Variants in PAIP2 observed in about 807,000 individuals in gnomAD.
The protein encoded by PAIP2 is polyadenylate-binding protein-interacting protein 2.
Under a neutral mutation model 14.8 loss-of-function variants are expected in PAIP2, and 7 were observed. The ratio of observed to expected loss-of-function variants is 0.47; its 90% confidence interval spans 0.27 to 0.89. The LOEUF (loss-of-function observed/expected upper bound fraction) is 0.89. PAIP2 is among the 40% of genes least tolerant of loss of function. PAIP2 has a pLI of 0.13. For missense variants in PAIP2, 122 were observed against 154.7 expected (o/e 0.79, Z 1.12); for synonymous variants, 47 against 45.3 (o/e 1.04, Z -0.15).
At chr5:139,365,036 C>A (rs957676223) in intron 3 of PAIP2, 1 of 172,598 alleles carries the variant, frequency 5.8e-6, no homozygotes, top group Non-Finnish European at 1.2e-5. Flanking sequence ...CCCAGCTACT[C>A]GGGAGGCTGA....
intron 1 of PAIP2, among the ~76,000 whole-genome samples, chr5:139,347,752 T>A (rs1299172392): frequency 6.6e-6 from 1 of 152,010 alleles, no homozygotes; most frequent in East Asian, 1.9e-4. Context: ...TAATAATTTT[T>A]AAAAAACTGT....
chr5:139,349,126 G>A (rs1022231524), intron 1 of PAIP2, among the ~76,000 whole-genome samples: 1 of 152,250 alleles, frequency 6.6e-6, no homozygotes, highest in Admixed American at 6.5e-5. Context: ...GGGGAGGGAA[G>A]AAGTGTGTAA....
At position 139,354,222 on chromosome 5, in the gene PAIP2, ACT is replaced by A. The variant is rs1756839039; in HGVS notation, c.-26-9534_-26-9533del. ...TATAGGACAGGTCTACTAGTGACAA[ACT>A]CTGTCCATTTTTTCTTATCTGGCAG... is the stretch of plus-strand genomic sequence containing the variant. On this transcript the variant is annotated intron_variant, in intron 1 of 3. Coordinates refer to ENST00000265192, the MANE Select transcript of PAIP2 (RefSeq NM_016480.5). Among the ~76,000 whole-genome samples the A allele has an allele frequency of 4.6e-5, 7 of 151,980 alleles. No individual in the cohort carries two copies. The South Asian group carries it at 1.0e-3, about 23-fold the overall frequency.
chr5:139,345,879 G>T (rs1441987530), intron 1 of PAIP2, among the ~76,000 whole-genome samples: 1 of 151,936 alleles, frequency 6.6e-6, no homozygotes, highest in South Asian at 2.1e-4. Context: ...CGCCCACCTC[G>T]GCCTCCCAAA....
At chr5:139,349,481 T>G (rs1756660747) in intron 1 of PAIP2, among the ~76,000 whole-genome samples, 1 of 151,554 alleles carries the variant, frequency 6.6e-6, no homozygotes. Flanking sequence ...TCTCCTGACC[T>G]TGTGATCCAC....
At chr5:139,357,818 G>A (rs764513647) in intron 1 of PAIP2, among the ~76,000 whole-genome samples, 1 of 152,118 alleles carries the variant, frequency 6.6e-6, no homozygotes, top group Non-Finnish European at 1.5e-5. Context: ...GCAACAGAGC[G>A]AGATTCCATC....
In PAIP2 at chr5:139,364,408, C is replaced by T. The variant is rs993413213; in HGVS notation, c.139-156C>T. Among the ~76,000 whole-genome samples, 6 of 152,278 alleles carry T rather than the reference C, an allele frequency of 3.9e-5. No homozygotes were observed. In the East Asian group the frequency reaches 5.8e-4, roughly 15 times the overall value. On this transcript the variant is annotated intron_variant, in intron 2 of 3. Coordinates refer to ENST00000265192, the MANE Select transcript of PAIP2 (RefSeq NM_016480.5). The stretch of plus-strand genomic sequence containing the variant: ...GAAAAACCCTAAACAGATAGATCTT[C>T]GCCGGTCATTATGGTAAGCATTTTT...
At chr5:139,344,525 T>A (rs938800375) in intron 1 of PAIP2, among the ~76,000 whole-genome samples, 1 of 152,228 alleles carries the variant, frequency 6.6e-6, no homozygotes, top group African/African-American at 2.4e-5. Context: ...TGTGTGTGGT[T>A]ATGAGCACTT....
At chr5:139,364,948 C>T (rs1757171914) in intron 3 of PAIP2, 1 of 371,130 alleles carries the variant, frequency 2.7e-6, no homozygotes, top group Admixed American at 4.5e-5. Flanking sequence ...AGTTTGAGAC[C>T]AGCCTGACCA....
intron 1 of PAIP2, among the ~76,000 whole-genome samples, chr5:139,348,163 A>C (rs924099117): frequency 1.3e-5 from 2 of 151,600 alleles, no homozygotes; most frequent in African/African-American, 4.8e-5. Flanking sequence ...AAAAAAAAAA[A>C]ACTACGAGTG....
At chr5:139,352,439 G>A (rs1756762303) in intron 1 of PAIP2, among the ~76,000 whole-genome samples, 1 of 149,760 alleles carries the variant, frequency 6.7e-6, no homozygotes, top group Admixed American at 6.7e-5. Context: ...AATACAGGCT[G>A]TAAAAAACCT....
At chr5:139,350,236 T>C (rs1427537986) in intron 1 of PAIP2, among the ~76,000 whole-genome samples, 1 of 151,830 alleles carries the variant, frequency 6.6e-6, no homozygotes, top group Non-Finnish European at 1.5e-5. Flanking sequence ...GGGTCACATA[T>C]TCTATCTACT....
intron 1 of PAIP2, among the ~76,000 whole-genome samples, chr5:139,361,574 A>G (rs1003937567): frequency 2.0e-4 from 30 of 152,150 alleles, no homozygotes; most frequent in African/African-American, 7.0e-4. Flanking sequence ...CAATGTATCA[A>G]TTAGGTTAGA....
intron 1 of PAIP2, among the ~76,000 whole-genome samples, chr5:139,344,332 C>G (rs755309330): frequency 3.3e-5 from 5 of 152,208 alleles, no homozygotes; most frequent in African/African-American, 1.2e-4. Flanking sequence ...TTTGAACCTA[C>G]GTCTTCTGAC....
chr5:139,359,983 T>C (rs1757022859), intron 1 of PAIP2, among the ~76,000 whole-genome samples: 1 of 152,220 alleles, frequency 6.6e-6, no homozygotes, highest in East Asian at 1.9e-4. Context: ...TTTCTTTTTT[T>C]TGAGATGTAG....
chr5:139,356,751 C>T (rs954129844), intron 1 of PAIP2, among the ~76,000 whole-genome samples: 2 of 149,166 alleles, frequency 1.3e-5, no homozygotes, highest in Non-Finnish European at 3.0e-5. Context: ...GCCAGGTGTG[C>T]TGGCATGCGC....
chr5:139,358,350 T>A (rs1561961742), intron 1 of PAIP2, among the ~76,000 whole-genome samples: 1 of 152,206 alleles, frequency 6.6e-6, no homozygotes, highest in Non-Finnish European at 1.5e-5. Flanking sequence ...GTGTTTACTT[T>A]TTAAGAAAAA....
At chr5:139,356,853 C>G (rs1283859962) in intron 1 of PAIP2, among the ~76,000 whole-genome samples, 5 of 145,634 alleles carry the variant, frequency 3.4e-5, no homozygotes, top group Non-Finnish European at 7.4e-5. Context: ...AGCCACTGCA[C>G]TTCAGCCTGA....
Position 139,364,596 on chromosome 5 carries a change from T to C in PAIP2, c.171T>C (p.Ile57=). The change falls in exon 3 of 4, where the codon ATT becomes ATC. Residue 57 remains isoleucine, a synonymous_variant. Transcript: ENST00000265192. ...IEEELWEEEF[I]ERCFQEMLEE... ...AGGAGTTATGGGAAGAAGAATTTAT[T>C]GAACGCTGTTTCCAAGAAATGCTGG... 6.2e-7 allele frequency: 1 copy of C among 1,608,334 alleles called. No homozygotes were observed. Among genetic ancestry groups the C allele is most frequent in the African/African-American group, 1.3e-5 (1 of 74,944 alleles).
Sources: allele counts gnomAD v4.1 joint callset (sites outside exome capture counted in the v4.1 genomes callset), GRCh38; gene constraint gnomAD v4.1.1; transcripts MANE v1.5; gene names NCBI Gene and HGNC (gene_info 2026-07-23, HGNC 2026-07-21).